RBFOX1: variants seen among roughly 807,000 people sequenced by gnomAD.
The protein encoded by RBFOX1 is RNA binding fox-1 homolog 1.
RBFOX1 carries 8 observed loss-of-function variants against 57.7 expected under a neutral mutation model. The observed-to-expected ratio is 0.14, with a 90% CI of 0.08 to 0.25. The LOEUF (loss-of-function observed/expected upper bound fraction) is 0.25, where lower values mean the gene tolerates loss of function less well. Among genes scored for constraint, RBFOX1 ranks in the 10% least tolerant of loss-of-function variants. RBFOX1 has a pLI of 1.00. For missense variants in RBFOX1, 611 were observed against 548.5 expected (o/e 1.11, Z -1.14); for synonymous variants, 326 against 222.4 (o/e 1.47, Z -4.15).
chr16:6,486,829 A>G (rs2095493888), intron 2 of RBFOX1, among the ~76,000 whole-genome samples: 1 of 152,126 alleles, frequency 6.6e-6, no homozygotes, highest in South Asian at 2.1e-4. Flanking sequence ...GCAGTAGTCA[A>G]CAGGAGCAAA....
At chr16:6,134,496 G>A (rs961173777) in intron 1 of RBFOX1, among the ~76,000 whole-genome samples, 1 of 152,116 alleles carries the variant, frequency 6.6e-6, no homozygotes, top group African/African-American at 2.4e-5. Flanking sequence ...TAGTAAATCT[G>A]CCTGATCCTG....
intron 3 of RBFOX1, among the ~76,000 whole-genome samples, chr16:6,885,191 T>C (rs2063737315): frequency 6.6e-6 from 1 of 152,196 alleles, no homozygotes; most frequent in Admixed American, 6.5e-5. Context: ...TCCCAATGAC[T>C]GAGCCATCAC....
intron 4 of RBFOX1, among the ~76,000 whole-genome samples, chr16:7,413,425 A>C (rs1379390972): frequency 6.6e-6 from 1 of 152,012 alleles, no homozygotes; most frequent in Non-Finnish European, 1.5e-5. Flanking sequence ...TTCCTGATTC[A>C]CTGGGTCTGG....
Position 7,711,943 on chromosome 16 carries a change from C to G in RBFOX1, c.*1198C>G, listed in dbSNP as rs1015252938. 2.0e-5 allele frequency: 3 copies of G among 152,562 alleles called. No homozygotes were observed. The highest frequency in any genetic ancestry group is 4.8e-5 in the African/African-American group (2 of 41,450). 9.5% of individuals were successfully genotyped at this position (152,562 alleles called of 1,614,324 possible). The stretch of plus-strand genomic sequence containing the variant: ...AGTCCGTGAGATCCTGCCCTTCCAC[C>G]TCTTTCCCATACCCCCAAGGATTAT... On this transcript the variant is annotated 3_prime_UTR_variant, in exon 16 of 16. Coordinates refer to ENST00000550418, the MANE Select transcript of RBFOX1 (RefSeq NM_018723.4).
intron 2 of RBFOX1, among the ~76,000 whole-genome samples, chr16:6,329,302 C>A (rs928754895): frequency 4.6e-5 from 7 of 152,138 alleles, no homozygotes; most frequent in African/African-American, 1.7e-4. Context: ...CTTATAATGA[C>A]TGAGTGAGAT....
At chr16:6,846,248 C>T (rs915876059) in intron 3 of RBFOX1, among the ~76,000 whole-genome samples, 1 of 152,138 alleles carries the variant, frequency 6.6e-6, no homozygotes, top group Non-Finnish European at 1.5e-5. Flanking sequence ...ATAGCTTCAC[C>T]TCCTATTACG....
chr16:6,949,035 G>A (rs572910070), intron 3 of RBFOX1, among the ~76,000 whole-genome samples: 1 of 152,250 alleles, frequency 6.6e-6, no homozygotes, highest in Admixed American at 6.5e-5. Context: ...TCGACTCTAT[G>A]GAGTGTGATT....
chr16:7,136,053 C>T (rs1347572539), intron 4 of RBFOX1, among the ~76,000 whole-genome samples: 1 of 152,170 alleles, frequency 6.6e-6, no homozygotes, highest in African/African-American at 2.4e-5. Context: ...ATTGTTGGAG[C>T]ATATTTGTAA....
chr16:7,287,555 G>T (rs1419798268), intron 4 of RBFOX1, among the ~76,000 whole-genome samples: 1 of 152,190 alleles, frequency 6.6e-6, no homozygotes, highest in Non-Finnish European at 1.5e-5. Context: ...AGTGTTTTCA[G>T]TCTGTGACTT....
Position 5,923,406 on chromosome 16 carries a change from C to A in RBFOX1, c.351+56071C>A, listed in dbSNP as rs112799184. ...GTGGAGGTTGAATAATGAGGGCCTT[C>A]AGGATTAGCCCCAGCTCCAGCAAGG... On this transcript the variant is annotated intron_variant, in intron 4 of 19. Coordinates refer to the RBFOX1 transcript ENST00000641259. 4.0e-5 allele frequency among the ~76,000 whole-genome samples: 6 copies of A among 151,800 alleles called. No homozygotes were observed. In the South Asian group the frequency reaches 1.3e-3, roughly 32 times the overall value.
chr16:7,250,635 C>A (rs2094468858), intron 4 of RBFOX1, among the ~76,000 whole-genome samples: 1 of 152,308 alleles, frequency 6.6e-6, no homozygotes, highest in East Asian at 1.9e-4. Context: ...ACTGAGCAAG[C>A]ATTTAGAGGA....
chr16:5,982,120 G>A (rs1179700781), intron 4 of RBFOX1, among the ~76,000 whole-genome samples: 1 of 152,146 alleles, frequency 6.6e-6, no homozygotes, highest in African/African-American at 2.4e-5. Context: ...ATAATGGCCT[G>A]TCAGCTTCTG....
chr16:6,679,848 A>T (rs941371832), intron 3 of RBFOX1, among the ~76,000 whole-genome samples: 2 of 145,254 alleles, frequency 1.4e-5, no homozygotes, highest in African/African-American at 5.3e-5. Flanking sequence ...AAACACTGGG[A>T]CCTTCTACAT....
chr16:5,323,640 G>A (rs539878338), intron 1 of RBFOX1, among the ~76,000 whole-genome samples: 1 of 152,360 alleles, frequency 6.6e-6, no homozygotes, highest in African/African-American at 2.4e-5. Flanking sequence ...TGTGCTGGAA[G>A]CTCTGAAAAG....
At chr16:5,880,069 C>T (rs535751795) in intron 4 of RBFOX1, among the ~76,000 whole-genome samples, 2 of 152,312 alleles carry the variant, frequency 1.3e-5, no homozygotes, top group South Asian at 2.1e-4. Context: ...TCACAGCAAG[C>T]ACCTCTATTC....
At chr16:6,911,648 A>G (rs1057395844) in intron 3 of RBFOX1, among the ~76,000 whole-genome samples, 1 of 152,174 alleles carries the variant, frequency 6.6e-6, no homozygotes, top group Non-Finnish European at 1.5e-5. Flanking sequence ...TTGGGCTTCA[A>G]CATCTTTTGG....
chr16:5,995,503 T>C (rs537863371), intron 4 of RBFOX1, among the ~76,000 whole-genome samples: 62 of 152,292 alleles, frequency 4.1e-4, no homozygotes, highest in Admixed American at 7.2e-4. Context: ...TTAAGGATGA[T>C]TATTATGCCA....
chr16:5,475,240 C>T (rs1318445397), intron 2 of RBFOX1, among the ~76,000 whole-genome samples: 1 of 152,168 alleles, frequency 6.6e-6, no homozygotes, highest in Non-Finnish European at 1.5e-5. Flanking sequence ...CATTTGTTTT[C>T]TCTGTTCTTT....
chr16:5,487,425 T>C (rs1315860900), intron 2 of RBFOX1, among the ~76,000 whole-genome samples: 1 of 152,174 alleles, frequency 6.6e-6, no homozygotes, highest in African/African-American at 2.4e-5. Flanking sequence ...TTGCAGAAGC[T>C]GACAGCACGA....
Sources: allele counts gnomAD v4.1 joint callset (sites outside exome capture counted in the v4.1 genomes callset), GRCh38; gene constraint gnomAD v4.1.1; transcripts MANE v1.5; gene names NCBI Gene and HGNC (gene_info 2026-07-23, HGNC 2026-07-21).